The following DPP9 variants were observed in gnomAD, a reference collection of about 807,000 sequenced individuals.
DPP9 encodes dipeptidyl peptidase IV-related protein-2.
DPP9 carries 50 observed loss-of-function variants against 110.7 expected under a neutral mutation model. The observed-to-expected ratio is 0.45, with a 90% CI of 0.36 to 0.57. The LOEUF is 0.57. Ranked by LOEUF, DPP9 falls within the 20% of genes least tolerant of loss-of-function variation. The pLI is 0.00. For missense variants in DPP9, 1,022 were observed against 1,217.9 expected, an observed-to-expected ratio of 0.84 and a Z score of 2.39; for synonymous variants, 561 against 514.4, an observed-to-expected ratio of 1.09 and a Z score of -1.23.
rs551350975 is a variant in DPP9, at chr19:4,689,505, G to T, written c.1749+65C>A. The T allele has an allele frequency of 5.8e-5, 88 of 1,518,884 alleles. No individual in the cohort carries two copies. Among genetic ancestry groups the T allele is most frequent in the Non-Finnish European group, 7.6e-5 (87 of 1,137,648 alleles). The allele number at this position is 1,518,884 out of a possible 1,614,324, so 94.1% of individuals were successfully genotyped here. On this transcript the variant is annotated intron_variant, in intron 15 of 21. Transcript: ENST00000262960. This position sits in a 1 kb window ranked among gnomAD's most constrained non-coding sequence, Gnocchi z 7.0. The stretch of plus-strand genomic sequence containing the variant: ...CCTGAGTGCTGTGCCGGGCCATGAG[G>T]GACTGCTCTGGCTGGGAGCTGTTGG...
chr19:4,697,644 G>A lies in DPP9; in HGVS notation c.1082C>T (p.Ser361Leu), dbSNP rs769960853. The A allele has an allele frequency of 7.4e-6, 12 of 1,613,632 alleles. No homozygotes were observed. Among genetic ancestry groups the A allele is most frequent in the South Asian group, 2.2e-5 (2 of 91,082 alleles). The stretch of plus-strand genomic sequence containing the variant: ...CTGCACCAGCTCCTTCTCCTGGGTC[G>A]AGACGATCTGAAGGGAAACAAACAG... ...FQTDSQGKIV[S>L]TQEKELVQPF... is the part of the protein sequence containing the mutation. Residue 361 changes from serine (S) to leucine (L), a missense_variant, in exon 11 of 22, where the codon TCG becomes TTG. Coordinates refer to ENST00000262960, the MANE Select transcript of DPP9 (RefSeq NM_139159.5).
chr19:4,689,681 G>T lies in DPP9; in HGVS notation c.1638C>A (p.Gly546=). ...NEETKLVYFQ[G]TKDTPLEHHL... is the part of the protein sequence containing the mutation. ...GGTGCTCCAGCGGCGTGTCCTTGGT[G>T]CCCTGGAAGTACACCAGCTTGGTCT... is the stretch of plus-strand genomic sequence containing the variant. Residue 546 remains glycine, a synonymous_variant, in exon 15 of 22, where the codon GGC becomes GGA. Transcript: ENST00000262960. This position sits in a 1 kb window ranked among gnomAD's most constrained non-coding sequence, Gnocchi z 7.0. The T allele has an allele frequency of 6.4e-7, 1 of 1,557,960 alleles. No individual in the cohort carries two copies. Among genetic ancestry groups the T allele is most frequent in the Non-Finnish European group, 8.7e-7 (1 of 1,150,558 alleles).
At chr19:4,721,676 G>C (rs894936758) in intron 2 of DPP9, among the ~76,000 whole-genome samples, 1 of 152,210 alleles carries the variant, frequency 6.6e-6, no homozygotes, top group African/African-American at 2.4e-5. Flanking sequence ...AGCTACTCAG[G>C]AGGCTGAGAC....
chr19:4,698,117 C>A lies in DPP9; in HGVS notation c.1075-466G>T, dbSNP rs1172961365. ...GGCTGGGCAAGCCAACGGCGGCACC[C>A]CAGCAGGTGCCTGGACCCAAAGGCT... is the stretch of plus-strand genomic sequence containing the variant. On this transcript the variant is annotated intron_variant, in intron 10 of 21. Transcript: ENST00000262960. This position sits in a 1 kb window ranked among gnomAD's most constrained non-coding sequence, Gnocchi z 4.2. Among the ~76,000 whole-genome samples the A allele has an allele frequency of 6.6e-6, 1 of 152,212 alleles. No individual in the cohort carries two copies. Among genetic ancestry groups the A allele is most frequent in the African/African-American group, 2.4e-5 (1 of 41,450 alleles).
At chr19:4,691,415 C>T (rs2091300642) in intron 13 of DPP9, among the ~76,000 whole-genome samples, 2 of 150,806 alleles carry the variant, frequency 1.3e-5, no homozygotes, top group East Asian at 1.9e-4. Flanking sequence ...GTTGAGGCTG[C>T]GGTGAGCTAT....
chr19:4,704,743 G>T lies in DPP9; in HGVS notation c.427-439C>A, dbSNP rs531463715. ...CTTCCCATCAAGAGCTTTCAATTTCGTAATCCCAGCACTTTGGGAGGCCGA... is the reference window on the plus strand; with the variant it reads ...CTTCCCATCAAGAGCTTTCAATTTCTTAATCCCAGCACTTTGGGAGGCCGA... On this transcript the variant is annotated intron_variant, in intron 5 of 21. Transcript: ENST00000262960. This position sits in a 1 kb window ranked among gnomAD's most constrained non-coding sequence, Gnocchi z 6.0. 6.6e-6 allele frequency among the ~76,000 whole-genome samples: 1 copy of T among 152,160 alleles called. No homozygotes were observed.
chr19:4,707,702 T>G (rs2092655851), intron 4 of DPP9, among the ~76,000 whole-genome samples: 1 of 141,368 alleles, frequency 7.1e-6, no homozygotes, highest in Non-Finnish European at 1.5e-5. Flanking sequence ...GTTGGCTCAC[T>G]GCAGCCTCTG....
chr19:4,688,786 CG>C lies in DPP9; in HGVS notation c.1855del (p.Arg619AlafsTer6). 1.4e-6 allele frequency: 2 copies of C among 1,467,682 alleles called. No individual in the cohort carries two copies. The highest frequency in any genetic ancestry group is 1.8e-6 in the Non-Finnish European group (2 of 1,115,310). 90.9% of individuals were successfully genotyped at this position (1,467,682 alleles called of 1,614,324 possible). The stretch of plus-strand genomic sequence containing the variant: ...TGCCTCCATCATGCTAGCCCAGAAG[CG>C]GGGCTGCTTGTGCAGGGGGTCGTCG... ...PDDDPLHKQP[R>X]FWASMMEAAS... On this transcript the variant is annotated frameshift_variant, in exon 16 of 22. Coordinates refer to ENST00000262960, the MANE Select transcript of DPP9 (RefSeq NM_139159.5). LOFTEE classifies it high-confidence loss of function.
chr19:4,722,313 G>A lies in DPP9; in HGVS notation c.-36+186C>T, dbSNP rs1272190496. Reference sequence around the variant, plus strand: ...GCTCCTTCCAGGGGCAGCTAGAGGGGGACAGGGGTGGAAAGAAAAGCCTCC... The same window carrying A: ...GCTCCTTCCAGGGGCAGCTAGAGGGAGACAGGGGTGGAAAGAAAAGCCTCC... On this transcript the variant is annotated intron_variant, in intron 2 of 21. Transcript: ENST00000262960. 4 of 581,576 alleles carry A rather than the reference G, an allele frequency of 6.9e-6. No homozygotes were observed. The East Asian group carries it at 8.7e-5, about 13-fold the overall frequency. 36.0% of individuals were successfully genotyped at this position (581,576 alleles called of 1,614,324 possible). A position where few individuals can be genotyped will look rare whatever the true frequency, so the allele number is the denominator to read the frequency against.
intron 7 of DPP9, among the ~76,000 whole-genome samples, chr19:4,703,659 T>TGA (rs2092425897): frequency 7.1e-6 from 1 of 141,248 alleles, no homozygotes; most frequent in Non-Finnish European, 1.5e-5. Context: ...CCCACATGGG[T>TGA]GAGACTCTCT....
Position 4,713,562 on chromosome 19 carries a change from C to G in DPP9, c.313+519G>C, listed in dbSNP as rs575723949. On this transcript the variant is annotated intron_variant, in intron 4 of 21. Transcript: ENST00000262960. ...GTGGCAAGCCGCCCCTGTGCTGTCA[C>G]CGGCGGCAAACCAGGTTCTGCCATC... 5.3e-5 allele frequency among the ~76,000 whole-genome samples: 8 copies of G among 152,366 alleles called. No individual in the cohort carries two copies. In the South Asian group the frequency reaches 1.5e-3, roughly 28 times the overall value.
rs1382668835 is a variant in DPP9 at position 4,682,849 on chromosome 19, C to G, written c.2332-11G>C. 3.2e-6 allele frequency: 5 copies of G among 1,575,088 alleles called. No homozygotes were observed. Among genetic ancestry groups the G allele is most frequent in the South Asian group, 2.3e-5 (2 of 86,032 alleles). ...ACCCGCGATGGCCACCTGAGGGACA[C>G]AGCAGACAGATGGGGGCAGAGAGAG... On this transcript the variant is annotated splice_polypyrimidine_tract_variant and intron_variant, in intron 19 of 21. Coordinates refer to ENST00000262960, the MANE Select transcript of DPP9 (RefSeq NM_139159.5). The surrounding 1 kb of genome is among the most constrained non-coding windows in gnomAD (Gnocchi z 7.1).
chr19:4,690,089 G>A (rs1016787920), intron 14 of DPP9, among the ~76,000 whole-genome samples: 1 of 152,222 alleles, frequency 6.6e-6, no homozygotes. Flanking sequence ...GCAGTCCCCA[G>A]CCTGGTCAGC....
At chr19:4,688,697 C>A in intron 16 of DPP9, 60 bp downstream of exon 16, 8 of 1,364,226 alleles carry the variant, frequency 5.9e-6, no homozygotes, top group Non-Finnish European at 7.5e-6. Context: ...ATGGGGCCCT[C>A]GTCCCGTTTT....
In DPP9 at chr19:4,694,943, T is replaced by A; in HGVS notation, c.1354-120A>T. The A allele has an allele frequency of 1.1e-6, 1 of 934,566 alleles. No individual in the cohort carries two copies. The highest frequency in any genetic ancestry group is 2.6e-5 in the East Asian group (1 of 38,440). 57.9% of individuals were successfully genotyped at this position (934,566 alleles called of 1,614,324 possible). ...CAGGAGACTTGCTTGAGCCCAGGAA[T>A]TTCAGAGACCAGCCTGGACAACATA... On this transcript the variant is annotated intron_variant, in intron 12 of 21. Transcript: ENST00000262960. The surrounding 1 kb of genome is among the most constrained non-coding windows in gnomAD (Gnocchi z 4.0).
Position 4,695,368 on chromosome 19 carries a change from C to T in DPP9, c.1353+10G>A. 2.6e-6 allele frequency: 4 copies of T among 1,555,016 alleles called. No homozygotes were observed. The highest frequency in any genetic ancestry group is 1.2e-5 in the South Asian group (1 of 83,760). On this transcript the variant is annotated intron_variant, in intron 12 of 21. Coordinates refer to ENST00000262960, the MANE Select transcript of DPP9 (RefSeq NM_139159.5). This position sits in a 1 kb window ranked among gnomAD's most constrained non-coding sequence, Gnocchi z 4.7. ...CAGGCGGGCATACAGCCAGCGCTTG[C>T]CCCGCTTACATTGATCCAGACGTTG...
intron 4 of DPP9, among the ~76,000 whole-genome samples, chr19:4,713,734 A>G (rs1241858721): frequency 6.6e-6 from 1 of 152,080 alleles, no homozygotes; most frequent in African/African-American, 2.4e-5. Flanking sequence ...GGTGGCTGGG[A>G]AGTGACTCAG....
rs888790035 is a variant in DPP9, at chr19:4,682,631, G to C, written c.2474+65C>G. ...TGGGGCAGGAGGGCACCCTCATAGA[G>C]ACAGCTGGTGCCGGGGTGCAGGAGA... On this transcript the variant is annotated intron_variant, in intron 20 of 21. Transcript: ENST00000262960. The surrounding 1 kb of genome is among the most constrained non-coding windows in gnomAD (Gnocchi z 7.1). The C allele has an allele frequency of 1.3e-6, 2 of 1,574,632 alleles. No individual in the cohort carries two copies. The highest frequency in any genetic ancestry group is 2.3e-5 in the South Asian group (2 of 86,198).
Position 4,700,211 on chromosome 19 carries a change from C to A in DPP9, c.1074+5G>T. 6.3e-7 allele frequency: 1 copy of A among 1,578,176 alleles called. No homozygotes were observed. The highest frequency in any genetic ancestry group is 8.6e-7 in the Non-Finnish European group (1 of 1,156,208). On this transcript the variant is annotated splice_donor_5th_base_variant and intron_variant, in intron 10 of 21. Coordinates refer to ENST00000262960, the MANE Select transcript of DPP9 (RefSeq NM_139159.5). This position sits in a 1 kb window ranked among gnomAD's most constrained non-coding sequence, Gnocchi z 4.3. The stretch of plus-strand genomic sequence containing the variant: ...GATTATCTGGTATGCAGCAGGCCCC[C>A]TTACCTTGCCCTGGCTGTCAGTCTG...
Sources: gnomAD v4.1 joint callset for allele counts (sites outside exome capture counted in the v4.1 genomes callset) on GRCh38, gnomAD v4.1.1 for gene constraint, Gnocchi (gnomAD v3.1) non-coding constraint, MANE v1.5 for transcripts, NCBI Gene and HGNC (gene_info 2026-07-23, HGNC 2026-07-21) for gene names.